Variants in ABCA1 observed in about 807,000 individuals in gnomAD.
The protein encoded by ABCA1 is phospholipid-transporting ATPase ABCA1.
A neutral mutation model predicts 262.5 loss-of-function variants in ABCA1; 133 were observed. That is an observed-to-expected ratio of 0.51 (90% confidence interval 0.44 to 0.59). The LOEUF (loss-of-function observed/expected upper bound fraction) is 0.59. Among genes scored for constraint, ABCA1 ranks in the 20% least tolerant of loss-of-function variants. The pLI, the probability that ABCA1 is intolerant of heterozygous loss-of-function variation, is 0.00. For missense variants in ABCA1, 2,452 were observed against 2,777.5 expected (o/e 0.88, Z 2.63); for synonymous variants, 1,022 against 1,043.5 (o/e 0.98, Z 0.40).
At chr9:104,835,112 G>A (rs898953444) in intron 11 of ABCA1, among the ~76,000 whole-genome samples, 1 of 152,066 alleles carries the variant, frequency 6.6e-6, no homozygotes, top group Non-Finnish European at 1.5e-5. Flanking sequence ...GCCGGGCACA[G>A]TGATATGTGC....
intron 1 of ABCA1, among the ~76,000 whole-genome samples, chr9:104,925,968 T>C (rs1826291252): frequency 6.6e-6 from 1 of 151,978 alleles, no homozygotes; most frequent in Admixed American, 6.6e-5. Context: ...TTAAGTTTTG[T>C]TTGAAAAGAA....
intron 8 of ABCA1, among the ~76,000 whole-genome samples, chr9:104,841,158 G>C (rs2487062): frequency 0.14 from 22,019 of 152,128 alleles, 1,877 homozygotes; most frequent in African/African-American, 0.23. Flanking sequence ...AGTCTGGGCC[G>C]GGTGCAGTGG....
At chr9:104,791,083 G>C in intron 43 of ABCA1, 55 bp from the exon 44 acceptor site, 1 of 1,247,498 alleles carries the variant, frequency 8.0e-7, no homozygotes, top group Non-Finnish European at 1.2e-6. Context: ...GAATATAAAT[G>C]CCCCTAACAC....
chr9:104,787,980 G>A lies in ABCA1; in HGVS notation c.6144C>T (p.Gly2048=). 1 of 1,614,178 alleles carries A rather than the reference G, an allele frequency of 6.2e-7. No homozygotes were observed. The highest frequency in any genetic ancestry group is 8.5e-7 in the Non-Finnish European group (1 of 1,180,026). Residue 2048 remains glycine (G), a synonymous_variant, in exon 46 of 50, where the codon GGC becomes GGT. Coordinates refer to ENST00000374736, the MANE Select transcript of ABCA1 (RefSeq NM_005502.4). ...TGGCTGTAGAGAGCTTGCGTTTGTT[G>A]CCTCCACTATAGTTACCAGCATATT... ...GEKYAGNYSG[G]NKRKLSTAMA... is the part of the protein sequence containing the mutation.
At chr9:104,926,753 C>A (rs1316577040) in intron 1 of ABCA1, among the ~76,000 whole-genome samples, 1 of 152,208 alleles carries the variant, frequency 6.6e-6, no homozygotes, top group Non-Finnish European at 1.5e-5. Context: ...GGTCATTCCA[C>A]GGCACCACCT....
intron 1 of ABCA1, among the ~76,000 whole-genome samples, chr9:104,908,257 T>C (rs184062262): frequency 6.6e-6 from 1 of 152,340 alleles, no homozygotes; most frequent in Non-Finnish European, 1.5e-5. Context: ...TATACAGTAC[T>C]ATTATATGAC....
Position 104,884,557 on chromosome 9 carries a change from T to G in ABCA1, c.172A>C (p.Asn58His). The G allele has an allele frequency of 6.2e-7, 1 of 1,614,228 alleles. No individual in the cohort carries two copies. The highest frequency in any genetic ancestry group is 8.5e-7 in the Non-Finnish European group (1 of 1,180,034). The part of the protein sequence containing the change: ...PYEQHECHFP[N>H]KAMPSAGTLP... ...GTTCCTGCAGAGGGCATGGCTTTAT[T>G]TGGAAAATGGCCTGTTGAAATCGAG... is the stretch of plus-strand genomic sequence containing the variant. The change falls in exon 4 of 50, where the codon AAT (asparagine) becomes CAT (histidine). Residue 58 changes from asparagine to histidine, a missense_variant. By Grantham distance (68) the Asn-to-His change is moderately conservative. Around this residue, in one of 4 missense-constraint regions of ABCA1, gnomAD observed 1,032 missense variants for 1,089.7 expected, o/e 0.95. Transcript: ENST00000374736.
chr9:104,914,514 A>AG lies in ABCA1; in HGVS notation c.-92-10744_-92-10743insC, dbSNP rs1564297238. ...AAACTCCATCTTAAAAAAAAAAAAA[A>AG]AGAGAGAAATCTGAGCCTTATAATT... On this transcript the variant is annotated intron_variant, in intron 1 of 49. Transcript: ENST00000374736. Among the ~76,000 whole-genome samples, 7 of 151,732 alleles carry AG rather than the reference A, an allele frequency of 4.6e-5. 1 individual carries two copies. In the Middle Eastern group the frequency reaches 0.01, roughly 221 times the overall value.
chr9:104,810,145 T>C (rs1191937567), intron 29 of ABCA1, among the ~76,000 whole-genome samples: 7 of 97,166 alleles, frequency 7.2e-5, no homozygotes, highest in African/African-American at 6.3e-4. Context: ...ACATTACATA[T>C]ATATATATAT....
chr9:104,789,771 C>CCACT (rs113307134), intron 44 of ABCA1, among the ~76,000 whole-genome samples: 27,572 of 151,930 alleles, frequency 0.18, 3,706 homozygotes, highest in African/African-American at 0.38. Context: ...ACTCTGAAAG[C>CCACT]CACTGCCTTG....
Position 104,821,491 on chromosome 9 carries a change from C to T in ABCA1, c.2844G>A (p.Gly948=). The T allele has an allele frequency of 6.2e-7, 1 of 1,613,932 alleles. No individual in the cohort carries two copies. The highest frequency in any genetic ancestry group is 8.5e-7 in the Non-Finnish European group (1 of 1,180,026). Residue 948 remains glycine, a synonymous_variant, in exon 20 of 50, where the codon GGG becomes GGA. Transcript: ENST00000374736. ...GKTTTMSILT[G]LFPPTSGTAY... is the part of the protein sequence containing the mutation. ...CGGTGCCCGAGGTCGGGGGGAACAACCCGGTCAGGATTGACCTGAGGACAA... is the reference window on the plus strand; with the variant it reads ...CGGTGCCCGAGGTCGGGGGGAACAATCCGGTCAGGATTGACCTGAGGACAA...
At chr9:104,784,506 T>C in intron 49 of ABCA1, 51 bp from the exon 50 acceptor site, 1 of 1,609,588 alleles carries the variant, frequency 6.2e-7, no homozygotes, top group South Asian at 1.1e-5. Context: ...ACTTGCTCAT[T>C]CTTTATTCTA....
At chr9:104,894,717 C>T (rs900820747) in intron 2 of ABCA1, among the ~76,000 whole-genome samples, 3 of 152,196 alleles carry the variant, frequency 2.0e-5, no homozygotes, top group East Asian at 3.9e-4. Context: ...CTTCACTTAC[C>T]AGAGCATACA....
intron 46 of ABCA1, 30 bp downstream of exon 46, chr9:104,787,890 C>T (rs1403489897): frequency 6.2e-7 from 1 of 1,613,898 alleles, no homozygotes. Flanking sequence ...CAGGCCAGAA[C>T]AACAGTTTTC....
chr9:104,854,785 A>G (rs1053827439), intron 7 of ABCA1, among the ~76,000 whole-genome samples: 3 of 152,208 alleles, frequency 2.0e-5, no homozygotes, highest in Non-Finnish European at 4.4e-5. Flanking sequence ...CTCCATAACA[A>G]GTCTCCCTCA....
intron 27 of ABCA1, among the ~76,000 whole-genome samples, 172 bp downstream of exon 27, chr9:104,813,946 A>C (rs1831501918): frequency 6.6e-6 from 1 of 152,238 alleles, no homozygotes; most frequent in African/African-American, 2.4e-5. Context: ...AGGTTTGATC[A>C]CATGCACGAT....
At chr9:104,827,291 T>A in intron 15 of ABCA1, 122 bp from the exon 16 acceptor site, 1 of 840,782 alleles carries the variant, frequency 1.2e-6, no homozygotes, top group Non-Finnish European at 2.0e-6. Flanking sequence ...AGAGGCGTAA[T>A]GCTGTTCATC....
At chr9:104,916,743 G>T (rs1008935926) in intron 1 of ABCA1, among the ~76,000 whole-genome samples, 1 of 152,124 alleles carries the variant, frequency 6.6e-6, no homozygotes, top group African/African-American at 2.4e-5. Context: ...GCAGTGGCAC[G>T]ATCTGGGCTC....
At chr9:104,833,621 C>G (rs979162569) in intron 11 of ABCA1, among the ~76,000 whole-genome samples, 2 of 152,332 alleles carry the variant, frequency 1.3e-5, no homozygotes, top group African/African-American at 2.4e-5. Context: ...GCACCTCCCC[C>G]TCCCCACTGT....
Sources: gnomAD v4.1 joint callset for allele counts (sites outside exome capture counted in the v4.1 genomes callset) on GRCh38, gnomAD v4.1.1 for gene constraint, gnomAD v4.1.1 regional missense constraint, MANE v1.5 for transcripts, NCBI Gene and HGNC (gene_info 2026-07-23, HGNC 2026-07-21) for gene names.